The following CSGALNACT1 variants were observed in gnomAD, a reference collection of about 807,000 sequenced individuals.
CSGALNACT1 encodes beta4GalNAcT-1.
Under a neutral mutation model 51.0 loss-of-function variants are expected in CSGALNACT1, and 52 were observed. The observed-to-expected ratio is 1.02, with a 90% CI of 0.82 to 1.29. The LOEUF (loss-of-function observed/expected upper bound fraction) is 1.29. CSGALNACT1 is among the 50% of genes most tolerant of loss of function. CSGALNACT1 has a pLI of 0.00. For synonymous variants in CSGALNACT1, 341 were observed against 254.4 expected (o/e 1.34, Z -3.24); for missense variants, 935 against 679.2 (o/e 1.38, Z -4.19).
chr8:19,569,792 C>G (rs1278566731), intron 3 of CSGALNACT1, among the ~76,000 whole-genome samples: 8 of 152,036 alleles, frequency 5.3e-5, no homozygotes, highest in Admixed American at 5.2e-4. Flanking sequence ...CCTAATAGTC[C>G]AAAACTGGAT....
chr8:19,405,409 C>A, exon 10 of CSGALNACT1: 1 of 465,984 alleles, frequency 2.1e-6, no homozygotes, highest in Admixed American at 2.3e-5. Flanking sequence ...ATATGCTTGC[C>A]TTTCATGCTA....
intron 1 of CSGALNACT1, among the ~76,000 whole-genome samples, chr8:19,741,794 T>C (rs2064336785): frequency 6.6e-6 from 1 of 152,224 alleles, no homozygotes; most frequent in South Asian, 2.1e-4. Context: ...ATGGATTTTA[T>C]TCTTGTTATT....
At chr8:19,437,424 A>T (rs1361254766) in intron 6 of CSGALNACT1, among the ~76,000 whole-genome samples, 7 of 152,136 alleles carry the variant, frequency 4.6e-5, no homozygotes, top group African/African-American at 1.7e-4. Flanking sequence ...AGGAAGATTG[A>T]TCTGGAAGGT....
chr8:19,671,453 TAA>T (rs962909572), intron 1 of CSGALNACT1, among the ~76,000 whole-genome samples: 4 of 152,186 alleles, frequency 2.6e-5, no homozygotes, highest in Non-Finnish European at 5.9e-5. Flanking sequence ...GTAAAATTTA[TAA>T]AGTTAACACC....
intron 4 of CSGALNACT1, among the ~76,000 whole-genome samples, chr8:19,498,050 C>T (rs564995566): frequency 5.3e-5 from 8 of 152,288 alleles, no homozygotes; most frequent in African/African-American, 1.9e-4. Context: ...CCCTGACCAC[C>T]TTGGGCATAT....
chr8:19,686,468 T>C (rs2060984035), upstream of CSGALNACT1, among the ~76,000 whole-genome samples: 1 of 152,170 alleles, frequency 6.6e-6, no homozygotes, highest in Non-Finnish European at 1.5e-5. Flanking sequence ...CACTGCTCGC[T>C]CCAGTTTCAA....
chr8:19,433,604 G>C (rs1256609830), intron 6 of CSGALNACT1, among the ~76,000 whole-genome samples: 1 of 152,180 alleles, frequency 6.6e-6, no homozygotes, highest in Admixed American at 6.5e-5. Context: ...AGAGCTCTGA[G>C]TCAGGTCAAA....
intron 4 of CSGALNACT1, among the ~76,000 whole-genome samples, chr8:19,502,078 G>C (rs2076518561): frequency 6.6e-6 from 1 of 152,232 alleles, no homozygotes; most frequent in Non-Finnish European, 1.5e-5. Flanking sequence ...CCCTCTGCAA[G>C]CTTCGCAGAA....
intron 4 of CSGALNACT1, among the ~76,000 whole-genome samples, chr8:19,475,280 C>G (rs962214535): frequency 7.2e-5 from 11 of 152,226 alleles, no homozygotes; most frequent in African/African-American, 2.4e-4. Context: ...GCAGTAAGAC[C>G]TGAAGCTGAA....
At chr8:19,466,572 C>T (rs7002507) in intron 4 of CSGALNACT1, among the ~76,000 whole-genome samples, 25,937 of 152,066 alleles carry the variant, frequency 0.17, 2,435 homozygotes, top group African/African-American at 0.24. Context: ...GATGGCATAT[C>T]GCATTCCCAG....
intron 3 of CSGALNACT1, among the ~76,000 whole-genome samples, chr8:19,586,935 C>T (rs2046794283): frequency 6.6e-6 from 1 of 152,186 alleles, no homozygotes; most frequent in Non-Finnish European, 1.5e-5. Context: ...AAATATCTCA[C>T]AACTCTAGTA....
In CSGALNACT1 at chr8:19,629,227, C is replaced by T. The variant is rs889356247; in HGVS notation, c.-543-27362G>A. Among the ~76,000 whole-genome samples, 9 of 152,278 alleles carry T rather than the reference C, an allele frequency of 5.9e-5. No individual in the cohort carries two copies. In the East Asian group the frequency reaches 1.2e-3, roughly 20 times the overall value. On this transcript the variant is annotated intron_variant, in intron 1 of 9. Transcript: ENST00000332246. ...AACCGTTTAGTTTGACATTAAAAAA[C>T]GTTTTCCTGGTCATCTGAGTTAGGA...
rs547554260 is a variant in CSGALNACT1, at chr8:19,466,460, T to C, written c.635-7818A>G. On this transcript the variant is annotated intron_variant, in intron 4 of 9. Transcript: ENST00000454498. The stretch of plus-strand genomic sequence containing the variant: ...ATAAACACACATTCTGCTTACTCTG[T>C]TCAAAAAAGGAACCGGTAAATGCTT... 2.5e-3 allele frequency among the ~76,000 whole-genome samples: 374 copies of C among 152,308 alleles called. 2 individuals are homozygous for C. The highest frequency in any genetic ancestry group is 8.6e-3 in the African/African-American group (359 of 41,572).
chr8:19,579,215 T>C (rs988494144), intron 3 of CSGALNACT1, among the ~76,000 whole-genome samples: 4 of 152,228 alleles, frequency 2.6e-5, no homozygotes, highest in Non-Finnish European at 5.9e-5. Flanking sequence ...CACTTTGATC[T>C]GGCCCCAGCT....
chr8:19,483,671 G>T (rs1298291531), intron 4 of CSGALNACT1, among the ~76,000 whole-genome samples: 3 of 152,102 alleles, frequency 2.0e-5, no homozygotes, highest in African/African-American at 4.8e-5. Context: ...TGTAATCTCT[G>T]TAATCTAAAA....
At chr8:19,724,617 G>A (rs1352177539) in intron 1 of CSGALNACT1, among the ~76,000 whole-genome samples, 2 of 152,206 alleles carry the variant, frequency 1.3e-5, no homozygotes, top group Non-Finnish European at 2.9e-5. Context: ...CAATGACAAG[G>A]ATTAGGACAT....
chr8:19,471,259 G>C (rs1016759459), intron 4 of CSGALNACT1, among the ~76,000 whole-genome samples: 31 of 152,318 alleles, frequency 2.0e-4, no homozygotes, highest in African/African-American at 6.5e-4. Flanking sequence ...CAAAGGGTAA[G>C]GAGAACACTG....
chr8:19,406,560 C>T (rs888351059), intron 9 of CSGALNACT1, among the ~76,000 whole-genome samples: 1 of 143,634 alleles, frequency 7.0e-6, no homozygotes, highest in Non-Finnish European at 1.5e-5. Flanking sequence ...CATTGTATGC[C>T]TGTATCAAAA....
intron 1 of CSGALNACT1, among the ~76,000 whole-genome samples, chr8:19,733,683 G>T (rs971839889): frequency 1.3e-5 from 2 of 152,182 alleles, no homozygotes; most frequent in African/African-American, 2.4e-5. Context: ...AATTATGCAT[G>T]CTTTTCTCTT....
Sources: allele counts gnomAD v4.1 joint callset (sites outside exome capture counted in the v4.1 genomes callset), GRCh38; gene constraint gnomAD v4.1.1; transcripts MANE v1.5; gene names NCBI Gene and HGNC (gene_info 2026-07-23, HGNC 2026-07-21).